PWWP3A: variants seen among roughly 807,000 people sequenced by gnomAD.
The protein encoded by PWWP3A is PWWP domain containing 3A, DNA repair factor, also known as PWWP domain-containing DNA repair factor 3A.
Under a neutral mutation model 79.0 loss-of-function variants are expected in PWWP3A, and 53 were observed. That is an observed-to-expected ratio of 0.67 (90% CI 0.54 to 0.84). PWWP3A has a LOEUF of 0.84. Among genes scored for constraint, PWWP3A ranks in the 40% least tolerant of loss-of-function variants. PWWP3A has a pLI of 0.00. For synonymous variants in PWWP3A, 443 were observed against 394.4 expected, an observed-to-expected ratio of 1.12 and a Z score of -1.46; for missense variants, 973 against 948.0, an observed-to-expected ratio of 1.03 and a Z score of -0.35.
At chr19:1,356,553 G>A (rs1049812301) in intron 2 of PWWP3A, 104 bp downstream of exon 2, 12 of 1,139,842 alleles carry the variant, frequency 1.1e-5, no homozygotes, top group South Asian at 4.1e-5. Flanking sequence ...TGAAATAATT[G>A]AGCCAGAACA....
At chr19:1,371,249 G>A (rs1301098051) in intron 12 of PWWP3A, 171 bp downstream of exon 12, 5 of 793,320 alleles carry the variant, frequency 6.3e-6, no homozygotes, top group Non-Finnish European at 8.6e-6. Flanking sequence ...GGAAATGCGA[G>A]TGCGTGCGCT....
chr19:1,364,603 C>G (rs1376561818), intron 7 of PWWP3A, 24 bp downstream of exon 7: 2 of 1,530,736 alleles, frequency 1.3e-6, no homozygotes, highest in Non-Finnish European at 1.8e-6. Flanking sequence ...CCTCCGTCTT[C>G]TCAGATGTAG....
At position 1,369,511 on chromosome 19, in the gene PWWP3A, A is replaced by G. The variant is rs2082203997; in HGVS notation, c.1499-85A>G. The G allele has an allele frequency of 6.4e-7, 1 of 1,558,560 alleles. No individual in the cohort carries two copies. Among genetic ancestry groups the G allele is most frequent in the East Asian group, 2.2e-5 (1 of 44,556 alleles). On this transcript the variant is annotated intron_variant, in intron 10 of 13. Transcript: ENST00000591337. The surrounding 1 kb of genome is among the most constrained non-coding windows in gnomAD (Gnocchi z 4.0). The stretch of plus-strand genomic sequence containing the variant: ...GGCCTGGCCTGATTATTTCCTAAAC[A>G]GAGACGCCGGGCCAGCCCCTGGAAC...
At chr19:1,357,866 T>A (rs529279161) in intron 3 of PWWP3A, 30 of 157,768 alleles carry the variant, frequency 1.9e-4, no homozygotes, top group Non-Finnish European at 9.7e-5. Context: ...GCTCCCCTGT[T>A]GCTCTTCCTT....
intron 13 of PWWP3A, among the ~76,000 whole-genome samples, chr19:1,376,315 T>TTG (rs2082399193): frequency 7.4e-6 from 1 of 134,372 alleles, no homozygotes; most frequent in Non-Finnish European, 1.6e-5. Context: ...TTGTTTGTTT[T>TTG]TTTTTTTTTT....
At chr19:1,355,896 A>G (rs955544040) in intron 1 of PWWP3A, among the ~76,000 whole-genome samples, 1 of 151,892 alleles carries the variant, frequency 6.6e-6, no homozygotes, top group Admixed American at 6.6e-5. Context: ...GGGACATGGC[A>G]GCCAAAAGAG....
chr19:1,365,141 AAAAG>A (rs2144728190), intron 7 of PWWP3A, among the ~76,000 whole-genome samples: 1 of 152,344 alleles, frequency 6.6e-6, no homozygotes, highest in South Asian at 2.1e-4. Flanking sequence ...AAAAGGAAAA[AAAAG>A]AATTGTGATT....
At chr19:1,361,470 C>G (rs1226351529) in intron 5 of PWWP3A, among the ~76,000 whole-genome samples, 1 of 152,182 alleles carries the variant, frequency 6.6e-6, no homozygotes, top group East Asian at 1.9e-4. Flanking sequence ...TTAAAGAATT[C>G]CTGTGCAGAT....
At chr19:1,365,824 G>A (rs941657463) in intron 7 of PWWP3A, among the ~76,000 whole-genome samples, 3 of 152,254 alleles carry the variant, frequency 2.0e-5, no homozygotes, top group East Asian at 1.9e-4. Flanking sequence ...GGCGCTGGTC[G>A]CCACTGCTCC....
intron 6 of PWWP3A, 25 bp from the exon 7 acceptor site, chr19:1,364,484 G>C: frequency 6.6e-7 from 1 of 1,519,004 alleles, no homozygotes. Context: ...TTTTTTTTTT[G>C]TTTTTCTTTT....
intron 7 of PWWP3A, 49 bp downstream of exon 7, chr19:1,364,628 T>C: frequency 7.7e-7 from 1 of 1,292,088 alleles, no homozygotes; most frequent in African/African-American, 1.5e-5. Context: ...TTAAATTTCA[T>C]GAATTTTTAT....
In PWWP3A at chr19:1,369,295, A is replaced by G. The variant is rs2082198913; in HGVS notation, c.1453A>G (p.Ile485Val). Residue 485 changes from isoleucine to valine, a missense_variant, in exon 10 of 14, where the codon ATC (isoleucine) becomes GTC (valine). Physicochemically the swap from Ile to Val is conservative, Grantham distance 29. Transcript: ENST00000591337. This position sits in a 1 kb window ranked among gnomAD's most constrained non-coding sequence, Gnocchi z 4.0. ...NQAREDFNQDIGWCVSLITDY... is the reference protein window; with the variant it reads ...NQAREDFNQDVGWCVSLITDY... Reference sequence around the variant, plus strand: ...AGCCAGGGAGGACTTCAACCAGGACATCGGCTGGTGTGTCTCCCTCATCAC... The same window carrying G: ...AGCCAGGGAGGACTTCAACCAGGACGTCGGCTGGTGTGTCTCCCTCATCAC... The G allele has an allele frequency of 4.3e-6, 7 of 1,614,086 alleles. No individual in the cohort carries two copies. The highest frequency in any genetic ancestry group is 5.1e-6 in the Non-Finnish European group (6 of 1,180,008).
In PWWP3A at chr19:1,370,845, G is replaced by A. The variant is rs747374035; in HGVS notation, c.1753G>A (p.Ala585Thr). 6.4e-6 allele frequency: 10 copies of A among 1,569,514 alleles called. No individual in the cohort carries two copies. The highest frequency in any genetic ancestry group is 4.1e-5 in the African/African-American group (3 of 73,898). ...LVEYIVKAKG[A>T]ESHLRAILKS... is the part of the protein sequence containing the mutation. Reference sequence around the variant, plus strand: ...GGAGTACATTGTGAAGGCCAAGGGCGCGGAGAGCCACCTGCGGGCCATCCT... The same window carrying A: ...GGAGTACATTGTGAAGGCCAAGGGCACGGAGAGCCACCTGCGGGCCATCCT... Residue 585 changes from alanine (A) to threonine (T), a missense_variant, in exon 12 of 14, where the codon GCG becomes ACG. Coordinates refer to ENST00000591337, the MANE Select transcript of PWWP3A (RefSeq NM_001369789.1).
intron 11 of PWWP3A, 99 bp from the exon 12 acceptor site, chr19:1,370,543 C>T: frequency 2.7e-6 from 3 of 1,119,322 alleles, no homozygotes; most frequent in Non-Finnish European, 3.7e-6. Flanking sequence ...GGGTCTGCCC[C>T]CATCCCTGCC....
chr19:1,360,448 A>G lies in PWWP3A; in HGVS notation c.527A>G (p.His176Arg). 3.7e-6 allele frequency: 6 copies of G among 1,614,178 alleles called. No homozygotes were observed. Among genetic ancestry groups the G allele is most frequent in the Admixed American group, 1.7e-5 (1 of 60,024 alleles). The change falls in exon 5 of 14, where the codon CAC becomes CGC. Residue 176 changes from histidine (H) to arginine (R), a missense_variant. By Grantham distance (29) the His-to-Arg change is conservative. Coordinates refer to ENST00000591337, the MANE Select transcript of PWWP3A (RefSeq NM_001369789.1). The surrounding 1 kb of genome is among the most constrained non-coding windows in gnomAD (Gnocchi z 4.4). ...CEKDPECKVDHKKGLRKSENP... is the reference protein window; with the variant it reads ...CEKDPECKVDRKKGLRKSENP... ...AAGGACCCCGAGTGCAAAGTGGACC[A>G]CAAGAAGGGGCTCAGGAAAAGTGAA...
At chr19:1,370,545 A>G (rs1229581303) in intron 11 of PWWP3A, 97 bp from the exon 12 acceptor site, 12 of 1,149,778 alleles carry the variant, frequency 1.0e-5, no homozygotes, top group Non-Finnish European at 1.4e-5. Context: ...GTCTGCCCCC[A>G]TCCCTGCCAT....
intron 13 of PWWP3A, among the ~76,000 whole-genome samples, chr19:1,375,074 C>A (rs1214493789): frequency 2.1e-4 from 32 of 150,048 alleles, no homozygotes; most frequent in East Asian, 5.9e-4. Context: ...AAAAAAAAAA[C>A]CAAGCATGGT....
chr19:1,361,894 C>A, intron 5 of PWWP3A: 1 of 220,136 alleles, frequency 4.5e-6, no homozygotes, highest in South Asian at 6.4e-5. Context: ...CCCCTCCCTG[C>A]ATATCCACTG....
chr19:1,373,271 G>A, intron 13 of PWWP3A, 111 bp downstream of exon 13: 1 of 927,630 alleles, frequency 1.1e-6, no homozygotes, highest in Non-Finnish European at 1.7e-6. Context: ...TCTCCCTCAT[G>A]AGGTGGCCCA....
Sources: gnomAD v4.1 joint callset for allele counts (sites outside exome capture counted in the v4.1 genomes callset) on GRCh38, gnomAD v4.1.1 for gene constraint, Gnocchi (gnomAD v3.1) non-coding constraint, MANE v1.5 for transcripts, NCBI Gene and HGNC (gene_info 2026-07-23, HGNC 2026-07-21) for gene names.